Variants in PPP2R2C observed in about 807,000 individuals in gnomAD.
PPP2R2C encodes protein phosphatase 2, regulatory subunit B, gamma.
In PPP2R2C, 10 loss-of-function variants were observed where a neutral mutation model predicts 45.3. That is an observed-to-expected ratio of 0.22 (90% CI 0.14 to 0.37). The LOEUF is 0.37. PPP2R2C is among the 10% of genes least tolerant of loss of function. The pLI is 1.00. For synonymous variants in PPP2R2C, 257 were observed against 245.4 expected, an observed-to-expected ratio of 1.05 and a Z score of -0.44; for missense variants, 308 against 619.7, an observed-to-expected ratio of 0.50 and a Z score of 5.34.
intron 1 of PPP2R2C, among the ~76,000 whole-genome samples, chr4:6,469,167 C>T (rs2108767203): frequency 6.6e-6 from 1 of 150,590 alleles, no homozygotes; most frequent in Middle Eastern, 3.5e-3. Flanking sequence ...CTAAACTCTT[C>T]CTAAGATGTT....
rs73796002 is a variant in PPP2R2C at position 6,361,695 on chromosome 4, G to A, written c.625+10828C>T. Among the ~76,000 whole-genome samples the A allele has an allele frequency of 5.6e-3, 853 of 152,322 alleles. 5 individuals carry two copies. The highest frequency in any genetic ancestry group is 0.019 in the African/African-American group (802 of 41,562). The stretch of plus-strand genomic sequence containing the variant: ...TGTCACCCCCTGGGAGGACTAGGAG[G>A]GTCTGTGGTGAATGGCATGCCTTGG... On this transcript the variant is annotated intron_variant, in intron 5 of 8. Coordinates refer to ENST00000382599, the MANE Select transcript of PPP2R2C (RefSeq NM_020416.4).
upstream of PPP2R2C, among the ~76,000 whole-genome samples, chr4:6,473,659 T>G (rs1209119676): frequency 2.0e-5 from 3 of 152,146 alleles, no homozygotes; most frequent in African/African-American, 7.2e-5. Flanking sequence ...TGGTCTGTAA[T>G]GGCCTCCACT....
chr4:6,455,381 T>C (rs1720967364), intron 1 of PPP2R2C, among the ~76,000 whole-genome samples: 1 of 152,184 alleles, frequency 6.6e-6, no homozygotes, highest in Non-Finnish European at 1.5e-5. Flanking sequence ...CAGTCGTTGT[T>C]CAGCAGTGGG....
rs1446793973 is a variant in PPP2R2C, at chr4:6,511,840, G to GTGA, written c.49+23430_49+23431insTCA. Among the ~76,000 whole-genome samples the GTGA allele has an allele frequency of 3.4e-4, 14 of 41,528 alleles. 1 individual carries two copies. The highest frequency in any genetic ancestry group is 4.6e-4 in the Admixed American group (2 of 4,338). 27.2% of individuals were successfully genotyped at this position (41,528 alleles called of 152,430 possible). The stretch of plus-strand genomic sequence containing the variant: ...GGTGATGGTGGTGGTGGTGGTGATG[G>GTGA]TGGTGGTGGTGGTGGTGGTGGTGAT... On this transcript the variant is annotated intron_variant, in intron 2 of 9. Coordinates refer to the PPP2R2C transcript ENST00000506140.
chr4:6,527,298 C>G (rs1724238485), intron 2 of PPP2R2C, among the ~76,000 whole-genome samples: 2 of 152,226 alleles, frequency 1.3e-5, no homozygotes, highest in Admixed American at 1.3e-4. Context: ...ATGCACCGGA[C>G]AAGCTGCCTC....
intron 1 of PPP2R2C, among the ~76,000 whole-genome samples, chr4:6,387,444 C>CA (rs1716290697): frequency 6.6e-6 from 1 of 152,184 alleles, no homozygotes; most frequent in Non-Finnish European, 1.5e-5. Context: ...CCAGAAGACT[C>CA]TTTTAATGTG....
At chr4:6,417,719 A>AGGCT (rs1357330223) in intron 1 of PPP2R2C, among the ~76,000 whole-genome samples, 1 of 152,190 alleles carries the variant, frequency 6.6e-6, no homozygotes, top group African/African-American at 2.4e-5. Flanking sequence ...GAGGGCAGGC[A>AGGCT]GGCTTTCTCA....
At chr4:6,336,102 A>G (rs11734044) in intron 6 of PPP2R2C, among the ~76,000 whole-genome samples, 125,834 of 151,922 alleles carry the variant, frequency 0.83, 52,301 homozygotes, top group Admixed American at 0.85. Context: ...TCCACTAATA[A>G]GTGGTGTCAT....
At chr4:6,414,076 A>T in intron 1 of PPP2R2C, 41 of 880,682 alleles carry the variant, frequency 4.7e-5, no homozygotes, top group East Asian at 3.6e-4. Context: ...TTGCCTGTGT[A>T]TGTGTGTGTG....
intron 5 of PPP2R2C, among the ~76,000 whole-genome samples, chr4:6,369,757 A>G (rs566885007): frequency 6.6e-6 from 1 of 152,214 alleles, no homozygotes; most frequent in South Asian, 2.1e-4. Context: ...CGGCCCCCAC[A>G]GCAGCTTGTC....
intron 1 of PPP2R2C, among the ~76,000 whole-genome samples, chr4:6,424,167 C>T (rs898137334): frequency 6.6e-6 from 1 of 152,198 alleles, no homozygotes; most frequent in Non-Finnish European, 1.5e-5. Flanking sequence ...CCTGGAGCTC[C>T]AGCTCTGGAG....
chr4:6,404,746 A>G (rs1028720929), intron 1 of PPP2R2C, among the ~76,000 whole-genome samples: 2 of 152,200 alleles, frequency 1.3e-5, no homozygotes, highest in Non-Finnish European at 2.9e-5. Context: ...ACCAAGCACA[A>G]AAGCAGGGAG....
rs1169938322 is a variant in PPP2R2C, at chr4:6,472,429, T to G, written c.-200A>C. On this transcript the variant is annotated 5_prime_UTR_variant, in exon 1 of 9. Coordinates refer to ENST00000382599, the MANE Select transcript of PPP2R2C (RefSeq NM_020416.4). ...GCGCCGCGGTCAAGCGAGCGCGCGG[T>G]GGGCGGGCGGCGGCCGCGGGTTCGG... 2.5e-5 allele frequency: 12 copies of G among 485,714 alleles called. No homozygotes were observed. Among genetic ancestry groups the G allele is most frequent in the Non-Finnish European group, 2.9e-5 (11 of 378,930 alleles). The allele number at this position is 485,714 out of a possible 1,614,324, so 30.1% of individuals were successfully genotyped here.
Position 6,347,990 on chromosome 4 carries a change from C to G in PPP2R2C, c.646G>C (p.Ala216Pro). ...ACCTCCGTAAGGTCCTCCATGTTGG[C>G]CGGCTTGATGTCCACGATGTCTGGG... is the stretch of plus-strand genomic sequence containing the variant. The part of the protein sequence containing the change: ...RSFNIVDIKP[A>P]NMEDLTEVIT... Residue 216 changes from alanine (A) to proline (P), a missense_variant, in exon 6 of 9, where the codon GCC (alanine) becomes CCC (proline). Physicochemically the swap from Ala to Pro is conservative, Grantham distance 27 (BLOSUM62 -1). Coordinates refer to ENST00000382599, the MANE Select transcript of PPP2R2C (RefSeq NM_020416.4). 5 of 1,613,894 alleles carry G rather than the reference C, an allele frequency of 3.1e-6. No individual in the cohort carries two copies. The highest frequency in any genetic ancestry group is 4.2e-6 in the Non-Finnish European group (5 of 1,179,916).
chr4:6,357,731 G>T (rs1713339023), intron 5 of PPP2R2C, among the ~76,000 whole-genome samples: 1 of 152,198 alleles, frequency 6.6e-6, no homozygotes, highest in South Asian at 2.1e-4. Context: ...CCTGGTGGGT[G>T]GGGGTAGGGG....
chr4:6,379,435 C>T (rs140311382), intron 2 of PPP2R2C, among the ~76,000 whole-genome samples: 1 of 152,310 alleles, frequency 6.6e-6, no homozygotes, highest in Non-Finnish European at 1.5e-5. Flanking sequence ...TATTTCTATC[C>T]CTGTCTTGCT....
intron 1 of PPP2R2C, among the ~76,000 whole-genome samples, chr4:6,560,504 C>T (rs1044846251): frequency 1.3e-5 from 2 of 152,126 alleles, no homozygotes; most frequent in African/African-American, 2.4e-5. Context: ...CTCTGTGCCT[C>T]AGTAAAACGG....
chr4:6,338,211 C>T (rs1469342110), intron 6 of PPP2R2C, among the ~76,000 whole-genome samples: 2 of 152,200 alleles, frequency 1.3e-5, no homozygotes, highest in Non-Finnish European at 2.9e-5. Flanking sequence ...GTCCCATCTC[C>T]ACCCACTCCC....
intron 2 of PPP2R2C, among the ~76,000 whole-genome samples, chr4:6,520,150 A>G (rs550797626): frequency 3.9e-5 from 6 of 152,120 alleles, no homozygotes; most frequent in Non-Finnish European, 8.8e-5. Context: ...GAGTGGATGA[A>G]GGGGTACGCT....
Sources: allele counts gnomAD v4.1 joint callset (sites outside exome capture counted in the v4.1 genomes callset), GRCh38; gene constraint gnomAD v4.1.1; transcripts MANE v1.5; gene names NCBI Gene and HGNC (gene_info 2026-07-23, HGNC 2026-07-21).